Variants in BAALC observed in about 807,000 individuals in gnomAD.
BAALC encodes brain and acute leukemia cytoplasmic protein.
In BAALC, 9 loss-of-function variants were observed where a neutral mutation model predicts 15.5. That is an observed-to-expected ratio of 0.58 (90% CI 0.35 to 1.02). BAALC has a LOEUF of 1.02. Ranked by LOEUF, BAALC falls within the 50% of genes least tolerant of loss-of-function variation. BAALC has a pLI of 0.02. For missense variants in BAALC, 201 were observed against 192.4 expected, an observed-to-expected ratio of 1.04 and a Z score of -0.27; for synonymous variants, 80 against 74.6, an observed-to-expected ratio of 1.07 and a Z score of -0.37.
chr8:103,213,222 C>T, intron 2 of BAALC, 137 bp downstream of exon 2: 1 of 1,018,750 alleles, frequency 9.8e-7, no homozygotes, highest in Non-Finnish European at 1.4e-6. Flanking sequence ...CTCTGCCCCA[C>T]CCATGTAAAA....
At chr8:103,194,231 G>C (rs1812041021) in intron 1 of BAALC, among the ~76,000 whole-genome samples, 1 of 152,014 alleles carries the variant, frequency 6.6e-6, no homozygotes, top group South Asian at 2.1e-4. Flanking sequence ...TCTTTTCTTT[G>C]ACTTGCTTTC....
rs538800085 is a variant in BAALC at position 103,212,695 on chromosome 8, T to G, written c.161-224T>G. Among the ~76,000 whole-genome samples the G allele has an allele frequency of 2.0e-5, 3 of 152,336 alleles. No homozygotes were observed. In the South Asian group the frequency reaches 6.2e-4, roughly 32 times the overall value. ...TATTTAATGGTATAGAAAAAAGTCATCAAGGTATCATTAAGTAAAAATTTC... is the reference window on the plus strand; with the variant it reads ...TATTTAATGGTATAGAAAAAAGTCAGCAAGGTATCATTAAGTAAAAATTTC... On this transcript the variant is annotated intron_variant, in intron 1 of 2. Coordinates refer to ENST00000309982, the MANE Select transcript of BAALC (RefSeq NM_024812.3).
At chr8:103,184,295 C>T (rs1811788224) in intron 1 of BAALC, among the ~76,000 whole-genome samples, 1 of 152,284 alleles carries the variant, frequency 6.6e-6, no homozygotes, top group South Asian at 2.1e-4. Flanking sequence ...TGCTGTGGAA[C>T]CTCATATATT....
intron 1 of BAALC, among the ~76,000 whole-genome samples, chr8:103,157,315 CTATA>C (rs140079991): frequency 6.7e-6 from 1 of 150,184 alleles, no homozygotes; most frequent in African/African-American, 2.4e-5. Flanking sequence ...ATATTTCAAG[CTATA>C]TATATATATA....
At chr8:103,212,898 T>C in intron 1 of BAALC, 21 bp from the exon 2 acceptor site, 1 of 1,604,326 alleles carries the variant, frequency 6.2e-7, no homozygotes, top group Non-Finnish European at 8.5e-7. Context: ...TCTGGTTCCA[T>C]CCTCTGCTTA....
intron 1 of BAALC, among the ~76,000 whole-genome samples, chr8:103,166,895 A>G (rs759613869): frequency 3.9e-5 from 6 of 152,200 alleles, no homozygotes; most frequent in African/African-American, 7.2e-5. Flanking sequence ...ATACTTTAAG[A>G]TGCTTTAAAT....
chr8:103,166,211 T>G (rs531463637), intron 1 of BAALC: 1 of 152,940 alleles, frequency 6.5e-6, no homozygotes, highest in African/African-American at 2.4e-5. Context: ...CTTGCTTGAT[T>G]CTTAGAGTCA....
intron 1 of BAALC, among the ~76,000 whole-genome samples, chr8:103,164,511 CAAT>C (rs1811302252): frequency 6.6e-6 from 1 of 152,126 alleles, no homozygotes. Flanking sequence ...CTCTTGTGCC[CAAT>C]AATATTTCAT....
chr8:103,165,763 A>C (rs1308888639), intron 1 of BAALC: 1 of 152,190 alleles, frequency 6.6e-6, no homozygotes, highest in Non-Finnish European at 1.5e-5. Context: ...ACTTGTGGCA[A>C]CCTCATGGGG....
At chr8:103,204,193 T>C (rs1812281153) in intron 1 of BAALC, among the ~76,000 whole-genome samples, 3 of 152,216 alleles carry the variant, frequency 2.0e-5, no homozygotes, top group African/African-American at 7.2e-5. Context: ...GAGTATCTTT[T>C]CATGTGTTTA....
chr8:103,144,577 A>G (rs187405680), intron 1 of BAALC, among the ~76,000 whole-genome samples: 1 of 152,314 alleles, frequency 6.6e-6, no homozygotes, highest in Admixed American at 6.5e-5. Flanking sequence ...GACCCAACCT[A>G]GCTCAGTCAT....
rs112634890 is a variant in BAALC at position 103,220,483 on chromosome 8, A to G, written c.327+7398A>G. Among the ~76,000 whole-genome samples, 578 of 152,280 alleles carry G rather than the reference A, an allele frequency of 3.8e-3. 3 individuals are homozygous for G. Among genetic ancestry groups the G allele is most frequent in the African/African-American group, 0.012 (492 of 41,548 alleles). ...GTCTTCACACATGTGTTCATGGTCA[A>G]ATTATTTACTGAGTGTCTATTATGC... On this transcript the variant is annotated intron_variant, in intron 2 of 2. Transcript: ENST00000309982.
intron 1 of BAALC, among the ~76,000 whole-genome samples, chr8:103,185,924 A>G (rs778066347): frequency 6.6e-6 from 1 of 152,062 alleles, no homozygotes. Context: ...TTGCCTAGGG[A>G]GCACAAGCCC....
chr8:103,155,206 T>C (rs1219370018), intron 1 of BAALC, among the ~76,000 whole-genome samples: 1 of 152,222 alleles, frequency 6.6e-6, no homozygotes, highest in African/African-American at 2.4e-5. Flanking sequence ...GACCATTTTG[T>C]TATTTTTGTA....
At chr8:103,160,912 C>G (rs917192073) in intron 1 of BAALC, among the ~76,000 whole-genome samples, 3 of 152,088 alleles carry the variant, frequency 2.0e-5, no homozygotes, top group Non-Finnish European at 2.9e-5. Flanking sequence ...GTCTGCCTTC[C>G]CCAGCCCACT....
chr8:103,225,088 TAA>T (rs939755903), intron 2 of BAALC, among the ~76,000 whole-genome samples: 1 of 152,178 alleles, frequency 6.6e-6, no homozygotes, highest in Non-Finnish European at 1.5e-5. Context: ...AATAAGCCCA[TAA>T]AAGTCTTTGC....
chr8:103,223,895 G>A (rs1169497795), intron 2 of BAALC, among the ~76,000 whole-genome samples: 1 of 152,108 alleles, frequency 6.6e-6, no homozygotes, highest in Non-Finnish European at 1.5e-5. Flanking sequence ...CCACCAATTT[G>A]AGGGGAATGC....
intron 1 of BAALC, chr8:103,191,572 T>C (rs1386690973): frequency 6.6e-6 from 1 of 152,166 alleles, no homozygotes; most frequent in Non-Finnish European, 1.5e-5. Flanking sequence ...TGTCTTCAAA[T>C]GCCCCGGTTC....
At chr8:103,183,062 C>T (rs1811762120) in intron 1 of BAALC, among the ~76,000 whole-genome samples, 1 of 152,218 alleles carries the variant, frequency 6.6e-6, no homozygotes, top group Non-Finnish European at 1.5e-5. Flanking sequence ...TAGAACACAT[C>T]ACTGGAAAAT....
Sources: allele counts gnomAD v4.1 joint callset (sites outside exome capture counted in the v4.1 genomes callset), GRCh38; gene constraint gnomAD v4.1.1; transcripts MANE v1.5; gene names NCBI Gene and HGNC (gene_info 2026-07-23, HGNC 2026-07-21).